KATNIP: variants seen among roughly 807,000 people sequenced by gnomAD.
The protein encoded by KATNIP is katanin-interacting protein.
Under a neutral mutation model 174.0 loss-of-function variants are expected in KATNIP, and 126 were observed. The observed-to-expected ratio is 0.72, with a 90% confidence interval of 0.63 to 0.84. The LOEUF (loss-of-function observed/expected upper bound fraction) is 0.84. Among genes scored for constraint, KATNIP ranks in the 40% least tolerant of loss-of-function variants. The pLI is 0.00. For synonymous variants in KATNIP, 810 were observed against 835.7 expected (o/e 0.97, Z 0.53); for missense variants, 1,958 against 2,109.7 (o/e 0.93, Z 1.41).
chr16:27,725,147 C>T (rs768024262), intron 14 of KATNIP, among the ~76,000 whole-genome samples: 2 of 152,116 alleles, frequency 1.3e-5, no homozygotes, highest in Non-Finnish European at 2.9e-5. Flanking sequence ...TATTGAATGC[C>T]GCAGGTATCA....
At chr16:27,579,772 C>T (rs942399759) in intron 2 of KATNIP, among the ~76,000 whole-genome samples, 1 of 152,128 alleles carries the variant, frequency 6.6e-6, no homozygotes, top group Non-Finnish European at 1.5e-5. Context: ...CACTCATCTG[C>T]TGAACTGACT....
intron 5 of KATNIP, among the ~76,000 whole-genome samples, chr16:27,634,985 T>G (rs955288555): frequency 6.6e-6 from 1 of 152,086 alleles, no homozygotes; most frequent in Non-Finnish European, 1.5e-5. Context: ...GATCATTGAT[T>G]GGTGGAAGAG....
At chr16:27,556,391 T>G (rs1390380690) in intron 1 of KATNIP, among the ~76,000 whole-genome samples, 2 of 152,188 alleles carry the variant, frequency 1.3e-5, no homozygotes, top group Non-Finnish European at 2.9e-5. Flanking sequence ...CCCCAGTACT[T>G]TAAAAATATG....
chr16:27,588,423 C>T lies in KATNIP; in HGVS notation c.63+14467C>T, dbSNP rs190685567. 2.0e-3 allele frequency among the ~76,000 whole-genome samples: 300 copies of T among 151,808 alleles called. 1 individual carries two copies. The highest frequency in any genetic ancestry group is 3.1e-3 in the Non-Finnish European group (210 of 67,948). Reference sequence around the variant, plus strand: ...TATATTTAAGAGGTTTTCACATGTCCCCTCCCAGTTAATACCTCTCCAAGG... The same window carrying T: ...TATATTTAAGAGGTTTTCACATGTCTCCTCCCAGTTAATACCTCTCCAAGG... On this transcript the variant is annotated intron_variant, in intron 2 of 27. Transcript: ENST00000261588.
intron 5 of KATNIP, among the ~76,000 whole-genome samples, chr16:27,639,573 C>A (rs1219622984): frequency 6.6e-6 from 1 of 152,164 alleles, no homozygotes; most frequent in Admixed American, 6.5e-5. Flanking sequence ...GTGGGCGTTC[C>A]TTAAAGGTCT....
chr16:27,713,868 T>G (rs1369270681), intron 13 of KATNIP, among the ~76,000 whole-genome samples: 1 of 107,706 alleles, frequency 9.3e-6, no homozygotes, highest in South Asian at 3.6e-4. Flanking sequence ...CTATCTCAGA[T>G]TGTGCCCTTC....
rs1472394517 is a variant in KATNIP at position 27,779,003 on chromosome 16, G to A, written c.*374G>A. On this transcript the variant is annotated 3_prime_UTR_variant, in exon 28 of 28. Coordinates refer to ENST00000261588, the MANE Select transcript of KATNIP (RefSeq NM_015202.5). ...ATCCCATCCAGCCTCAGAGGGCCCAGAGAATGGCTGAGCAGGACAGTGGGA... is the reference window on the plus strand; with the variant it reads ...ATCCCATCCAGCCTCAGAGGGCCCAAAGAATGGCTGAGCAGGACAGTGGGA... 1 of 205,000 alleles carries A rather than the reference G, an allele frequency of 4.9e-6. No individual in the cohort carries two copies. Among genetic ancestry groups the A allele is most frequent in the Non-Finnish European group, 9.7e-6 (1 of 103,276 alleles). The allele number at this position is 205,000 out of a possible 1,614,324, so 12.7% of individuals were successfully genotyped here.
At chr16:27,608,521 A>AT (rs928789583) in intron 2 of KATNIP, among the ~76,000 whole-genome samples, 3 of 141,394 alleles carry the variant, frequency 2.1e-5, no homozygotes, top group Middle Eastern at 4.2e-3. Context: ...CTTGGTAGGA[A>AT]TTTTTTTTTC....
intron 6 of KATNIP, among the ~76,000 whole-genome samples, chr16:27,657,871 C>T (rs1013781777): frequency 1.9e-4 from 29 of 152,254 alleles, no homozygotes; most frequent in African/African-American, 7.0e-4. Context: ...GATCATGCCA[C>T]GGCACTCCAG....
intron 13 of KATNIP, among the ~76,000 whole-genome samples, chr16:27,711,834 C>T (rs947523864): frequency 1.3e-5 from 2 of 152,216 alleles, no homozygotes; most frequent in Non-Finnish European, 2.9e-5. Flanking sequence ...AGATCAGTAG[C>T]TCTGTGATCT....
At chr16:27,618,357 T>C (rs1596951324) in intron 2 of KATNIP, 68 bp from the exon 3 acceptor site, 1 of 1,242,536 alleles carries the variant, frequency 8.0e-7, no homozygotes, top group East Asian at 2.3e-5. Context: ...CGGTGTGTGC[T>C]GCACCTGCAC....
At chr16:27,717,595 G>A (rs1212235234) in intron 13 of KATNIP, among the ~76,000 whole-genome samples, 1 of 152,030 alleles carries the variant, frequency 6.6e-6, no homozygotes, top group Non-Finnish European at 1.5e-5. Flanking sequence ...CCCCGGGTCT[G>A]GCTCAGCATC....
In KATNIP at chr16:27,637,548, C is replaced by A. The variant is rs989392415; in HGVS notation, c.408+6386C>A. On this transcript the variant is annotated intron_variant, in intron 5 of 27. Coordinates refer to ENST00000261588, the MANE Select transcript of KATNIP (RefSeq NM_015202.5). The surrounding 1 kb of genome is among the most constrained non-coding windows in gnomAD (Gnocchi z 4.7). ...GGCAGCACAGCCTCCCAAGGGGCCG[C>A]ATCGCAGCCAGGGCCTGAGAGTTAC... Among the ~76,000 whole-genome samples the A allele has an allele frequency of 6.6e-6, 1 of 152,170 alleles. No individual in the cohort carries two copies. The highest frequency in any genetic ancestry group is 6.5e-5 in the Admixed American group (1 of 15,278).
At chr16:27,609,858 A>C (rs1016688229) in intron 2 of KATNIP, among the ~76,000 whole-genome samples, 2 of 151,910 alleles carry the variant, frequency 1.3e-5, no homozygotes, top group Non-Finnish European at 2.9e-5. Flanking sequence ...TGCCCAGCTA[A>C]TTTTTGTATT....
At chr16:27,770,060 CT>C (rs1283424123) in intron 21 of KATNIP, 42 bp downstream of exon 21, 2 of 1,596,218 alleles carry the variant, frequency 1.3e-6, no homozygotes, top group East Asian at 4.5e-5. Flanking sequence ...CTCCCGGCCC[CT>C]GGGCCCGCTT....
At position 27,579,461 on chromosome 16, in the gene KATNIP, A is replaced by G. The variant is rs1018465865; in HGVS notation, c.63+5505A>G. On this transcript the variant is annotated intron_variant, in intron 2 of 27. Transcript: ENST00000261588. Reference sequence around the variant, plus strand: ...TACCTAGCACAGTGCTGGGCACACCATAAGTGTTCCATAGATGTTAGTTGT... The same window carrying G: ...TACCTAGCACAGTGCTGGGCACACCGTAAGTGTTCCATAGATGTTAGTTGT... 2.0e-5 allele frequency among the ~76,000 whole-genome samples: 3 copies of G among 152,358 alleles called. No individual in the cohort carries two copies. The South Asian group carries it at 6.2e-4, about 32-fold the overall frequency.
intron 2 of KATNIP, among the ~76,000 whole-genome samples, chr16:27,577,374 C>T (rs1366138881): frequency 1.3e-5 from 2 of 151,616 alleles, no homozygotes; most frequent in Non-Finnish European, 2.9e-5. Context: ...AAGACCCTTT[C>T]TCTACAAAAA....
intron 2 of KATNIP, among the ~76,000 whole-genome samples, chr16:27,617,858 C>T (rs763476340): frequency 2.0e-5 from 3 of 152,064 alleles, no homozygotes; most frequent in South Asian, 2.1e-4. Context: ...CTTCAGCCCC[C>T]GCCAAGTAGC....
chr16:27,594,331 C>G (rs544865757), intron 2 of KATNIP, among the ~76,000 whole-genome samples: 20 of 152,038 alleles, frequency 1.3e-4, no homozygotes, highest in Non-Finnish European at 2.1e-4. Flanking sequence ...TGCTCTGCTC[C>G]TTACGCTGGG....
Sources: gnomAD v4.1 joint callset for allele counts (sites outside exome capture counted in the v4.1 genomes callset) on GRCh38, gnomAD v4.1.1 for gene constraint, Gnocchi (gnomAD v3.1) non-coding constraint, MANE v1.5 for transcripts, NCBI Gene and HGNC (gene_info 2026-07-23, HGNC 2026-07-21) for gene names.